Variants in DLGAP1 observed in about 807,000 individuals in gnomAD.
DLGAP1 encodes the protein DLG associated protein 1.
DLGAP1 carries 11 observed loss-of-function variants against 90.8 expected under a neutral mutation model. The observed-to-expected ratio is 0.12, with a 90% CI of 0.08 to 0.20. The LOEUF (loss-of-function observed/expected upper bound fraction) is 0.20, where lower values mean the gene tolerates loss of function less well. Ranked by LOEUF, DLGAP1 falls within the 10% of genes least tolerant of loss-of-function variation. The pLI, the probability that DLGAP1 is intolerant of heterozygous loss-of-function variation, is 1.00. For synonymous variants in DLGAP1, 558 were observed against 540.7 expected (o/e 1.03, Z -0.44); for missense variants, 1,050 against 1,333.8 (o/e 0.79, Z 3.31).
At chr18:3,912,436 T>C (rs1255138848) in intron 3 of DLGAP1, among the ~76,000 whole-genome samples, 8 of 152,122 alleles carry the variant, frequency 5.3e-5, no homozygotes, top group Non-Finnish European at 1.2e-4. Context: ...TATTACTTAT[T>C]ATGAGCCTAT....
At chr18:4,111,123 G>A (rs569427600) in intron 2 of DLGAP1, among the ~76,000 whole-genome samples, 1 of 152,216 alleles carries the variant, frequency 6.6e-6, no homozygotes, top group African/African-American at 2.4e-5. Context: ...ATCGTGAAGG[G>A]CTGTAGAATT....
chr18:4,151,624 T>C (rs2076676239), intron 1 of DLGAP1, among the ~76,000 whole-genome samples: 1 of 152,206 alleles, frequency 6.6e-6, no homozygotes, highest in South Asian at 2.1e-4. Context: ...ATAATATACA[T>C]ATGCGATTGT....
intron 3 of DLGAP1, among the ~76,000 whole-genome samples, chr18:3,975,331 C>G (rs917086471): frequency 6.6e-6 from 1 of 152,102 alleles, no homozygotes; most frequent in African/African-American, 2.4e-5. Context: ...ATGCAAGTGG[C>G]CCATCAATAC....
At chr18:3,769,850 G>C (rs955068373) in intron 5 of DLGAP1, among the ~76,000 whole-genome samples, 1 of 151,628 alleles carries the variant, frequency 6.6e-6, no homozygotes, top group African/African-American at 2.4e-5. Context: ...ACGGTGGGTG[G>C]GGGGGGAAAA....
At chr18:3,889,406 T>C (rs375526480) in intron 3 of DLGAP1, among the ~76,000 whole-genome samples, 3 of 152,142 alleles carry the variant, frequency 2.0e-5, no homozygotes, top group East Asian at 1.9e-4. Context: ...AGATTTTATA[T>C]ATACATACAT....
intron 3 of DLGAP1, among the ~76,000 whole-genome samples, chr18:3,933,755 C>G (rs1243657152): frequency 1.3e-5 from 2 of 152,280 alleles, no homozygotes; most frequent in South Asian, 2.1e-4. Flanking sequence ...GATTTTGTAT[C>G]TGTCTGTGGT....
At position 3,729,776 on chromosome 18, in the gene DLGAP1, C is replaced by T. The variant is rs532982816; in HGVS notation, c.1351-401G>A. 2.4e-4 allele frequency among the ~76,000 whole-genome samples: 36 copies of T among 152,270 alleles called. No homozygotes were observed. Among genetic ancestry groups the T allele is most frequent in the Admixed American group, 2.2e-3 (33 of 15,302 alleles). ...CAAGGAAATGTGGGGCTTATTCCAA[C>T]GCATGACATTCTTATTTATAAAGGC... is the stretch of plus-strand genomic sequence containing the variant. On this transcript the variant is annotated intron_variant, in intron 6 of 12. Coordinates refer to ENST00000315677, the MANE Select transcript of DLGAP1 (RefSeq NM_004746.4). The surrounding 1 kb of genome is among the most constrained non-coding windows in gnomAD (Gnocchi z 6.2).
chr18:4,452,152 C>G (rs1051190494), intron 1 of DLGAP1, among the ~76,000 whole-genome samples: 1 of 152,018 alleles, frequency 6.6e-6, no homozygotes, highest in South Asian at 2.1e-4. Context: ...AACCAATTTC[C>G]TCTCCTCTGA....
intron 10 of DLGAP1, among the ~76,000 whole-genome samples, chr18:3,513,927 A>G (rs940496645): frequency 1.8e-4 from 28 of 151,992 alleles, no homozygotes; most frequent in African/African-American, 6.3e-4. Flanking sequence ...CTTTCCTTTA[A>G]CCCTCCCAGT....
At chr18:3,529,964 C>G (rs1309684220) in intron 10 of DLGAP1, among the ~76,000 whole-genome samples, 1 of 152,216 alleles carries the variant, frequency 6.6e-6, no homozygotes, top group African/African-American at 2.4e-5. Context: ...ACTTGTTTTC[C>G]TAGCTCCTTT....
At chr18:3,902,008 G>C (rs1403779939) in intron 3 of DLGAP1, among the ~76,000 whole-genome samples, 2 of 152,214 alleles carry the variant, frequency 1.3e-5, no homozygotes, top group African/African-American at 4.8e-5. Context: ...ATAAAGTGAA[G>C]TGCATGTCTG....
At chr18:3,501,571 C>A (rs1425824852) in intron 12 of DLGAP1, among the ~76,000 whole-genome samples, 1 of 152,126 alleles carries the variant, frequency 6.6e-6, no homozygotes. Flanking sequence ...CCCCAAGAAC[C>A]CTGAAAACAT....
intron 1 of DLGAP1, among the ~76,000 whole-genome samples, chr18:4,252,638 A>G (rs1484169153): frequency 6.6e-6 from 1 of 152,254 alleles, no homozygotes; most frequent in East Asian, 1.9e-4. Context: ...ACTAGTAGCT[A>G]AAGAAACGAA....
chr18:4,182,909 G>C (rs903250382), intron 1 of DLGAP1, among the ~76,000 whole-genome samples: 1 of 152,152 alleles, frequency 6.6e-6, no homozygotes. Context: ...TAAGGGTAGA[G>C]AGGAAGAAAA....
intron 1 of DLGAP1, among the ~76,000 whole-genome samples, chr18:4,278,344 A>C (rs2079465485): frequency 6.6e-6 from 1 of 152,164 alleles, no homozygotes; most frequent in Non-Finnish European, 1.5e-5. Flanking sequence ...TTACATGGAT[A>C]CATTGAGCAA....
chr18:4,418,574 C>T (rs969759461), intron 1 of DLGAP1, among the ~76,000 whole-genome samples: 52 of 152,060 alleles, frequency 3.4e-4, no homozygotes, highest in African/African-American at 1.3e-3. Context: ...ACGAAGAATG[C>T]TTTCACAGCT....
intron 1 of DLGAP1, among the ~76,000 whole-genome samples, chr18:4,390,458 T>C (rs2144415082): frequency 6.6e-6 from 1 of 152,202 alleles, no homozygotes; most frequent in African/African-American, 2.4e-5. Flanking sequence ...ATGACATGTG[T>C]CCACCATTGT....
At chr18:4,140,792 T>G (rs2076483384) in intron 2 of DLGAP1, among the ~76,000 whole-genome samples, 1 of 152,066 alleles carries the variant, frequency 6.6e-6, no homozygotes, top group Non-Finnish European at 1.5e-5. Context: ...TGAAGGATAT[T>G]TTTGCTGGAC....
chr18:3,604,092 G>A (rs1373927164), intron 7 of DLGAP1: 1 of 153,636 alleles, frequency 6.5e-6, no homozygotes, highest in East Asian at 1.9e-4. Flanking sequence ...TTCCAAATTT[G>A]ATGCCAACTT....
Sources: gnomAD v4.1 joint callset for allele counts (sites outside exome capture counted in the v4.1 genomes callset) on GRCh38, gnomAD v4.1.1 for gene constraint, Gnocchi (gnomAD v3.1) non-coding constraint, MANE v1.5 for transcripts, NCBI Gene and HGNC (gene_info 2026-07-23, HGNC 2026-07-21) for gene names.